Variants in FGGY observed in about 807,000 individuals in gnomAD.
FGGY encodes FGGY carbohydrate kinase domain-containing protein.
A neutral mutation model predicts 71.3 loss-of-function variants in FGGY; 72 were observed. The observed-to-expected ratio is 1.01, with a 90% CI of 0.84 to 1.23. FGGY has a LOEUF of 1.23. Among genes scored for constraint, FGGY ranks in the 50% most tolerant of loss-of-function variants. The pLI is 0.00. For synonymous variants in FGGY, 251 were observed against 250.3 expected (o/e 1.00, Z -0.02); for missense variants, 668 against 682.3 (o/e 0.98, Z 0.23).
At chr1:59,653,038 G>C (rs1267220650) in intron 11 of FGGY, among the ~76,000 whole-genome samples, 1 of 152,126 alleles carries the variant, frequency 6.6e-6, no homozygotes, top group Non-Finnish European at 1.5e-5. Flanking sequence ...TGCTCCTGCT[G>C]GGGGGTGCCT....
intron 9 of FGGY, 45 bp downstream of exon 9, chr1:59,607,955 A>C: frequency 6.7e-7 from 1 of 1,494,266 alleles, no homozygotes; most frequent in Non-Finnish European, 9.3e-7. Context: ...TTTTTATGTC[A>C]TTGATTAGTC....
At chr1:59,497,320 G>A (rs189859723) in intron 6 of FGGY, among the ~76,000 whole-genome samples, 1 of 152,334 alleles carries the variant, frequency 6.6e-6, no homozygotes, top group Admixed American at 6.5e-5. Flanking sequence ...GGACACGGTG[G>A]CTCATGCCTA....
At chr1:59,469,296 G>A (rs1405955668) in intron 6 of FGGY, among the ~76,000 whole-genome samples, 1 of 152,212 alleles carries the variant, frequency 6.6e-6, no homozygotes, top group Non-Finnish European at 1.5e-5. Flanking sequence ...CATGGTTCTG[G>A]AGGCTGCAGT....
rs537729049 is a variant in FGGY, at chr1:59,622,318, C to T, written c.1012-3670C>T. ...ATTTGGTGTTCACTAAGTGGCTTTT[C>T]TCTTAAGTATGGATTACATTTTCCT... On this transcript the variant is annotated intron_variant, in intron 9 of 15. Coordinates refer to ENST00000303721, the MANE Select transcript of FGGY (RefSeq NM_018291.5). Among the ~76,000 whole-genome samples, 14 of 152,174 alleles carry T rather than the reference C, an allele frequency of 9.2e-5. No individual in the cohort carries two copies. In the East Asian group the frequency reaches 2.7e-3, roughly 29 times the overall value.
At position 59,392,235 on chromosome 1, in the gene FGGY, G is replaced by A. The variant is rs150748053; in HGVS notation, c.554+13398G>A. Among the ~76,000 whole-genome samples, 266 of 152,294 alleles carry A rather than the reference G, an allele frequency of 1.7e-3. 1 individual carries two copies. The highest frequency in any genetic ancestry group is 6.0e-3 in the African/African-American group (249 of 41,564). On this transcript the variant is annotated intron_variant, in intron 5 of 15. Coordinates refer to ENST00000303721, the MANE Select transcript of FGGY (RefSeq NM_018291.5). ...TACTTTCGGAATATGTTATACTTAT[G>A]TGATTCTTGGTAGTCTCAAGAACCT...
intron 6 of FGGY, among the ~76,000 whole-genome samples, chr1:59,463,268 A>G (rs891331896): frequency 6.6e-6 from 1 of 152,238 alleles, no homozygotes; most frequent in Non-Finnish European, 1.5e-5. Flanking sequence ...ACTAAGCTTC[A>G]TAAGTGAAGG....
At chr1:59,468,637 C>G (rs549248413) in intron 6 of FGGY, among the ~76,000 whole-genome samples, 10 of 152,200 alleles carry the variant, frequency 6.6e-5, no homozygotes, top group African/African-American at 2.4e-4. Flanking sequence ...CTTTGGGAGG[C>G]CGAGGCAGGT....
intron 14 of FGGY, among the ~76,000 whole-genome samples, chr1:59,704,261 C>G (rs891357420): frequency 6.6e-6 from 1 of 152,064 alleles, no homozygotes; most frequent in African/African-American, 2.4e-5. Flanking sequence ...GGGAGAACAG[C>G]AGATAACCCC....
At chr1:59,343,976 A>T (rs1259978142) in intron 3 of FGGY, among the ~76,000 whole-genome samples, 4 of 152,148 alleles carry the variant, frequency 2.6e-5, no homozygotes, top group Non-Finnish European at 2.9e-5. Context: ...ACCCACACAT[A>T]CACCCACATC....
intron 4 of FGGY, among the ~76,000 whole-genome samples, chr1:59,358,035 G>A (rs10493261): frequency 0.19 from 29,130 of 152,180 alleles, 3,389 homozygotes; most frequent in East Asian, 0.35. Flanking sequence ...CACACTTACT[G>A]GAGGAAAATA....
chr1:59,422,624 G>C (rs983396339), intron 5 of FGGY, among the ~76,000 whole-genome samples: 1 of 151,936 alleles, frequency 6.6e-6, no homozygotes, highest in Admixed American at 6.6e-5. Context: ...GAGCCCAGGA[G>C]GTTGAGGCTG....
At chr1:59,538,795 T>C (rs2095385253) in intron 7 of FGGY, among the ~76,000 whole-genome samples, 1 of 134,982 alleles carries the variant, frequency 7.4e-6, no homozygotes, top group African/African-American at 2.8e-5. Flanking sequence ...AATTGAACAA[T>C]GAGAACACAT....
At chr1:59,501,101 G>C (rs555997404) in intron 6 of FGGY, among the ~76,000 whole-genome samples, 2 of 152,304 alleles carry the variant, frequency 1.3e-5, no homozygotes, top group African/African-American at 2.4e-5. Context: ...TTCACCCATT[G>C]TTAGGAGGCT....
At chr1:59,533,989 T>G (rs1369708444) in intron 7 of FGGY, among the ~76,000 whole-genome samples, 1 of 152,152 alleles carries the variant, frequency 6.6e-6, no homozygotes, top group Admixed American at 6.5e-5. Flanking sequence ...GAGAATGACT[T>G]TGAAGAGCTG....
chr1:59,404,010 A>G (rs1310582138), intron 5 of FGGY, among the ~76,000 whole-genome samples: 2 of 152,240 alleles, frequency 1.3e-5, no homozygotes, highest in Non-Finnish European at 2.9e-5. Context: ...AGATAAAATT[A>G]TATAATTCAT....
At chr1:59,358,183 G>A (rs17119320) in intron 4 of FGGY, among the ~76,000 whole-genome samples, 3,464 of 152,230 alleles carry the variant, frequency 0.023, 142 homozygotes, top group African/African-American at 0.079. Context: ...CAAGGAAGGT[G>A]GCAGGCTAGA....
chr1:59,410,082 A>G (rs1253338703), intron 5 of FGGY, among the ~76,000 whole-genome samples: 1 of 152,222 alleles, frequency 6.6e-6, no homozygotes, highest in Non-Finnish European at 1.5e-5. Flanking sequence ...CATTGGTATG[A>G]GGCCACTTGA....
intron 12 of FGGY, among the ~76,000 whole-genome samples, chr1:59,666,281 G>A (rs1212089702): frequency 1.3e-5 from 2 of 152,126 alleles, no homozygotes; most frequent in Admixed American, 1.3e-4. Context: ...ACATTTCAAA[G>A]ACTTGCTACC....
intron 5 of FGGY, among the ~76,000 whole-genome samples, chr1:59,396,148 G>A (rs1287249918): frequency 3.3e-5 from 5 of 152,132 alleles, no homozygotes; most frequent in Non-Finnish European, 7.4e-5. Context: ...AAATCCTCCA[G>A]AAGAATCTGA....
Sources: gnomAD v4.1 joint callset for allele counts (sites outside exome capture counted in the v4.1 genomes callset) on GRCh38, gnomAD v4.1.1 for gene constraint, MANE v1.5 for transcripts, NCBI Gene and HGNC (gene_info 2026-07-23, HGNC 2026-07-21) for gene names.